BCAS3: variants seen among roughly 807,000 people sequenced by gnomAD.
BCAS3 encodes the protein BCAS3 microtubule associated cell migration factor.
Under a neutral mutation model 116.1 loss-of-function variants are expected in BCAS3, and 53 were observed. The ratio of observed to expected loss-of-function variants is 0.46; its 90% CI spans 0.37 to 0.57. BCAS3 has a LOEUF of 0.57. Ranked by LOEUF, BCAS3 falls within the 20% of genes least tolerant of loss-of-function variation. The probability of loss-of-function intolerance (pLI) is 0.00; values close to 1 mark genes in which losing one functional copy is unlikely to be tolerated. For synonymous variants in BCAS3, 391 were observed against 408.2 expected, an observed-to-expected ratio of 0.96 and a Z score of 0.51; for missense variants, 917 against 1,165.4, an observed-to-expected ratio of 0.79 and a Z score of 3.10.
intron 19 of BCAS3, among the ~76,000 whole-genome samples, chr17:61,067,596 A>G (rs907895136): frequency 6.7e-6 from 1 of 150,288 alleles, no homozygotes; most frequent in African/African-American, 2.4e-5. Flanking sequence ...CGCACCTGTA[A>G]TCCCAGCTAC....
rs192349962 is a variant in BCAS3 at position 61,104,601 on chromosome 17, G to T, written c.2425+20037G>T. ...TAGCAGTCTCATTTACTTAGGATCC[G>T]TGTCAGCGCCTTGAGCTCCAAATCG... On this transcript the variant is annotated intron_variant, in intron 22 of 23. Coordinates refer to ENST00000407086, the MANE Select transcript of BCAS3 (RefSeq NM_017679.5). The surrounding 1 kb of genome is among the most constrained non-coding windows in gnomAD (Gnocchi z 4.1). Among the ~76,000 whole-genome samples, 2 of 152,126 alleles carry T rather than the reference G, an allele frequency of 1.3e-5. No individual in the cohort carries two copies. Among genetic ancestry groups the T allele is most frequent in the South Asian group, 4.1e-4 (2 of 4,830 alleles).
At chr17:60,682,917 A>G (rs1568004988) in intron 2 of BCAS3, among the ~76,000 whole-genome samples, 2 of 152,238 alleles carry the variant, frequency 1.3e-5, no homozygotes, top group African/African-American at 4.8e-5. Flanking sequence ...TACTTAATTA[A>G]CAGTGTTATT....
chr17:61,051,452 T>C lies in BCAS3; in HGVS notation c.2029+10560T>C, dbSNP rs1270955701. On this transcript the variant is annotated intron_variant, in intron 19 of 23. Coordinates refer to ENST00000407086, the MANE Select transcript of BCAS3 (RefSeq NM_017679.5). The surrounding 1 kb of genome is among the most constrained non-coding windows in gnomAD (Gnocchi z 4.1). ...CACACATAAATTGAGTGTAAAACTG[T>C]ATATGTAAATTTCATTATATCTGAA... Among the ~76,000 whole-genome samples, 2 of 152,216 alleles carry C rather than the reference T, an allele frequency of 1.3e-5. No homozygotes were observed. Among genetic ancestry groups the C allele is most frequent in the Non-Finnish European group, 2.9e-5 (2 of 68,046 alleles).
intron 7 of BCAS3, among the ~76,000 whole-genome samples, chr17:60,861,743 A>T (rs2054177485): frequency 6.6e-6 from 1 of 152,052 alleles, no homozygotes; most frequent in Non-Finnish European, 1.5e-5. Flanking sequence ...CCTTGAGATG[A>T]TCATTTGTTT....
In BCAS3 at chr17:61,377,057, T is replaced by C. The variant is rs2059372859; in HGVS notation, c.2593+8563T>C. Among the ~76,000 whole-genome samples the C allele has an allele frequency of 6.6e-6, 1 of 152,220 alleles. No individual in the cohort carries two copies. The highest frequency in any genetic ancestry group is 1.9e-4 in the East Asian group (1 of 5,182). On this transcript the variant is annotated intron_variant, in intron 23 of 23. Coordinates refer to ENST00000407086, the MANE Select transcript of BCAS3 (RefSeq NM_017679.5). This position sits in a 1 kb window ranked among gnomAD's most constrained non-coding sequence, Gnocchi z 4.6. ...ACTGAACGGTGGGTCTGTTTCTCTC[T>C]GACTTCTACCCCCAGCTTCCCGCTG...
At chr17:61,334,492 CT>C (rs1272474590) in intron 22 of BCAS3, among the ~76,000 whole-genome samples, 1 of 151,990 alleles carries the variant, frequency 6.6e-6, no homozygotes, top group Non-Finnish European at 1.5e-5. Context: ...GTGGAGAAAC[CT>C]GGTCTCTACT....
rs1019609798 is a variant in BCAS3, at chr17:61,388,846, G to T, written c.2594-3131G>T. 2.3e-6 allele frequency: 2 copies of T among 864,000 alleles called. No individual in the cohort carries two copies. The highest frequency in any genetic ancestry group is 3.4e-5 in the African/African-American group (2 of 58,372). 53.5% of individuals were successfully genotyped at this position (864,000 alleles called of 1,614,324 possible). A position where few individuals can be genotyped will look rare whatever the true frequency, so the allele number is the denominator to read the frequency against. ...GCCTGCAGGGGGAGGAGCAGAAGGG[G>T]TCTGAGAGGAGGCGTGGAGAAAAGC... On this transcript the variant is annotated intron_variant, in intron 23 of 23. Transcript: ENST00000407086. The surrounding 1 kb of genome is among the most constrained non-coding windows in gnomAD (Gnocchi z 6.5).
chr17:60,992,189 T>TCCACACACACACACAC (rs1555654103), intron 15 of BCAS3, among the ~76,000 whole-genome samples: 6 of 130,722 alleles, frequency 4.6e-5, no homozygotes, highest in African/African-American at 1.5e-4. Context: ...TCCGATGACT[T>TCCACACACACACACAC]ACACACACAC....
Position 61,332,778 on chromosome 17 carries a change from G to A in BCAS3, c.2426-35549G>A, listed in dbSNP as rs1224454282. Among the ~76,000 whole-genome samples, 1 of 152,120 alleles carries A rather than the reference G, an allele frequency of 6.6e-6. No homozygotes were observed. The highest frequency in any genetic ancestry group is 2.4e-5 in the African/African-American group (1 of 41,422). Reference sequence around the variant, plus strand: ...TTATAGGCGTCTGCCACCACGCCTGGCTAATTTTTGTATTTTTAGGAGAGA... The same window carrying A: ...TTATAGGCGTCTGCCACCACGCCTGACTAATTTTTGTATTTTTAGGAGAGA... On this transcript the variant is annotated intron_variant, in intron 22 of 23. Transcript: ENST00000407086. This position sits in a 1 kb window ranked among gnomAD's most constrained non-coding sequence, Gnocchi z 5.4.
chr17:61,215,470 T>C lies in BCAS3; in HGVS notation c.2425+130906T>C, dbSNP rs974991409. On this transcript the variant is annotated intron_variant, in intron 22 of 23. Transcript: ENST00000407086. The surrounding 1 kb of genome is among the most constrained non-coding windows in gnomAD (Gnocchi z 4.8). ...AGATTTGTAGTAATTCTATGATATA[T>C]TACTTGAAGAACAGAGGCAACATTT... Among the ~76,000 whole-genome samples the C allele has an allele frequency of 6.6e-6, 1 of 152,168 alleles. No individual in the cohort carries two copies. The highest frequency in any genetic ancestry group is 1.9e-4 in the East Asian group (1 of 5,202).
Position 61,224,727 on chromosome 17 carries a change from A to G in BCAS3, c.2425+140163A>G, listed in dbSNP as rs566320038. On this transcript the variant is annotated intron_variant, in intron 22 of 23. Transcript: ENST00000407086. This position sits in a 1 kb window ranked among gnomAD's most constrained non-coding sequence, Gnocchi z 5.7. ...CCGTGAAAACTAACAGGTGAAATGA[A>G]TTCTAAGTATATGTTTCATTTAATG... Among the ~76,000 whole-genome samples, 2 of 152,338 alleles carry G rather than the reference A, an allele frequency of 1.3e-5. No homozygotes were observed. Among genetic ancestry groups the G allele is most frequent in the South Asian group, 4.1e-4 (2 of 4,826 alleles).
rs574116137 is a variant in BCAS3, at chr17:61,377,043, G to C, written c.2593+8549G>C. ...GAGGAGGCCACAATACTGAACGGTG[G>C]GTCTGTTTCTCTCTGACTTCTACCC... On this transcript the variant is annotated intron_variant, in intron 23 of 23. Coordinates refer to ENST00000407086, the MANE Select transcript of BCAS3 (RefSeq NM_017679.5). The surrounding 1 kb of genome is among the most constrained non-coding windows in gnomAD (Gnocchi z 4.6). Among the ~76,000 whole-genome samples, 1 of 152,296 alleles carries C rather than the reference G, an allele frequency of 6.6e-6. No individual in the cohort carries two copies. Among genetic ancestry groups the C allele is most frequent in the South Asian group, 2.1e-4 (1 of 4,822 alleles).
intron 17 of BCAS3, among the ~76,000 whole-genome samples, chr17:61,035,675 A>T (rs568369967): frequency 1.3e-5 from 2 of 152,148 alleles, no homozygotes; most frequent in Admixed American, 6.5e-5. Flanking sequence ...ATTAATATAC[A>T]GTAGTCTCTC....
chr17:60,742,993 G>C lies in BCAS3; in HGVS notation c.322-4205G>C, dbSNP rs541727902. On this transcript the variant is annotated intron_variant, in intron 5 of 23. Coordinates refer to ENST00000407086, the MANE Select transcript of BCAS3 (RefSeq NM_017679.5). ...CCGGGCATGGTGGCACGTGCCTGTA[G>C]TCCCAGCTACTTGGGAGGCTGAGGC... Among the ~76,000 whole-genome samples the C allele has an allele frequency of 8.6e-5, 13 of 150,676 alleles. No individual in the cohort carries two copies. The East Asian group carries it at 2.0e-3, about 23-fold the overall frequency.
At chr17:60,773,129 G>A (rs1017082488) in intron 6 of BCAS3, among the ~76,000 whole-genome samples, 2 of 152,144 alleles carry the variant, frequency 1.3e-5, no homozygotes, top group Non-Finnish European at 2.9e-5. Flanking sequence ...ATTTGGTGGT[G>A]TCAGTGTTCT....
intron 7 of BCAS3, among the ~76,000 whole-genome samples, chr17:60,837,379 TC>T (rs928303838): frequency 6.6e-6 from 1 of 152,100 alleles, no homozygotes; most frequent in Non-Finnish European, 1.5e-5. Context: ...TTTGGTAACA[TC>T]AGTAAAATTG....
intron 5 of BCAS3, among the ~76,000 whole-genome samples, chr17:60,712,061 A>C (rs1342179599): frequency 6.6e-6 from 1 of 152,156 alleles, no homozygotes; most frequent in Non-Finnish European, 1.5e-5. Flanking sequence ...GCTACTCTGG[A>C]GGCTGAGGCA....
rs1361412140 is a variant in BCAS3, at chr17:61,224,815, TTA to T, written c.2425+140252_2425+140253del. On this transcript the variant is annotated intron_variant, in intron 22 of 23. Coordinates refer to ENST00000407086, the MANE Select transcript of BCAS3 (RefSeq NM_017679.5). This position sits in a 1 kb window ranked among gnomAD's most constrained non-coding sequence, Gnocchi z 5.7. The stretch of plus-strand genomic sequence containing the variant: ...AATATAAAAATAGACTGAAGTACTT[TTA>T]GCACATTTGGCTTCAGCCTAGCCAT... Among the ~76,000 whole-genome samples the T allele has an allele frequency of 3.9e-5, 6 of 152,254 alleles. No individual in the cohort carries two copies. Among genetic ancestry groups the T allele is most frequent in the Non-Finnish European group, 5.9e-5 (4 of 68,040 alleles).
At chr17:60,847,320 A>G (rs923249697) in intron 7 of BCAS3, among the ~76,000 whole-genome samples, 8 of 152,186 alleles carry the variant, frequency 5.3e-5, no homozygotes, top group African/African-American at 1.9e-4. Flanking sequence ...GTGTGAACAT[A>G]TGCTTGCTTC....
Sources: gnomAD v4.1 joint callset for allele counts (sites outside exome capture counted in the v4.1 genomes callset) on GRCh38, gnomAD v4.1.1 for gene constraint, Gnocchi (gnomAD v3.1) non-coding constraint, MANE v1.5 for transcripts, NCBI Gene and HGNC (gene_info 2026-07-23, HGNC 2026-07-21) for gene names.